The following SNF8 variants were observed in gnomAD, a reference collection of about 807,000 sequenced individuals.
The protein encoded by SNF8 is SNF8 subunit of ESCRT-II, also known as vacuolar-sorting protein SNF8.
SNF8 carries 19 observed loss-of-function variants against 36.8 expected under a neutral mutation model. The ratio of observed to expected loss-of-function variants is 0.52; its 90% CI spans 0.36 to 0.76. SNF8 has a LOEUF of 0.76. SNF8 is among the 30% of genes least tolerant of loss of function. The pLI is 0.00. For missense variants in SNF8, 268 were observed against 322.9 expected, an observed-to-expected ratio of 0.83 and a Z score of 1.30; for synonymous variants, 127 against 127.4, an observed-to-expected ratio of 1.00 and a Z score of 0.02.
intron 3 of SNF8, among the ~76,000 whole-genome samples, chr17:48,938,103 C>T (rs2040962601): frequency 6.6e-6 from 1 of 152,048 alleles, no homozygotes; most frequent in African/African-American, 2.4e-5. Context: ...AATATGCAGA[C>T]TCAGCATTCA....
Position 48,941,006 on chromosome 17 carries a change from G to C in SNF8, c.162C>G (p.His54Gln). 6.2e-7 allele frequency: 1 copy of C among 1,613,844 alleles called. No homozygotes were observed. Among genetic ancestry groups the C allele is most frequent in the Non-Finnish European group, 8.5e-7 (1 of 1,180,030 alleles). Reference protein sequence around the residue: ...KTNLEEFASKHKQEIRKNPEF... With the variant: ...KTNLEEFASKQKQEIRKNPEF... ...CAGGATTCTTCCGGATCTCCTGCTT[G>C]TGTTTGCTGGCAAATTCCTCCAGGT... Residue 54 changes from histidine (H) to glutamine (Q), a missense_variant, in exon 3 of 8, where the codon CAC (histidine) becomes CAG (glutamine). His to Gln is a conservative substitution (Grantham distance 24). Transcript: ENST00000502492.
At chr17:48,931,572 G>A (rs909351256) in intron 7 of SNF8, 71 bp downstream of exon 7, 2 of 1,259,482 alleles carry the variant, frequency 1.6e-6, no homozygotes, top group African/African-American at 3.0e-5. Context: ...TGAAGTTCCT[G>A]CATTTGTGGA....
chr17:48,933,478 A>G (rs2040890475), intron 5 of SNF8, 132 bp from the exon 6 acceptor site: 1 of 1,015,492 alleles, frequency 9.8e-7, no homozygotes, highest in Non-Finnish European at 1.5e-6. Flanking sequence ...AATGGCTCAT[A>G]CCCATAATCG....
chr17:48,935,591 G>C (rs1485388029), intron 5 of SNF8: 1 of 151,844 alleles, frequency 6.6e-6, no homozygotes, highest in Non-Finnish European at 1.5e-5. Flanking sequence ...TGTGGCACGA[G>C]AATTGCTTGA....
chr17:48,933,567 C>G, intron 5 of SNF8: 1 of 524,192 alleles, frequency 1.9e-6, no homozygotes, highest in Middle Eastern at 5.1e-4. Flanking sequence ...CACAGCAAGA[C>G]CTTATCTTTA....
intron 2 of SNF8, among the ~76,000 whole-genome samples, chr17:48,942,795 A>G (rs1598094026): frequency 7.7e-6 from 1 of 129,792 alleles, no homozygotes; most frequent in South Asian, 2.5e-4. Context: ...ATTTCTGCCC[A>G]CCTCGGCCTC....
rs1023327545 is a variant in SNF8, at chr17:48,929,527, C to A, written c.*948G>T. The A allele has an allele frequency of 1.3e-5, 2 of 152,174 alleles. No homozygotes were observed. The highest frequency in any genetic ancestry group is 6.5e-5 in the Admixed American group (1 of 15,276). The allele number at this position is 152,174 out of a possible 1,614,324, so 9.4% of individuals were successfully genotyped here. A position where few individuals can be genotyped will look rare whatever the true frequency, so the allele number is the denominator to read the frequency against. The stretch of plus-strand genomic sequence containing the variant: ...CTGGCCTCTTCCCTCATCACCACTT[C>A]TACTTGCTATAGGAGATTCTTGCTT... On this transcript the variant is annotated 3_prime_UTR_variant, in exon 8 of 8. Coordinates refer to ENST00000502492, the MANE Select transcript of SNF8 (RefSeq NM_007241.4).
intron 1 of SNF8, 32 bp from the exon 2 acceptor site, chr17:48,944,007 A>G (rs764701589): frequency 9.9e-6 from 16 of 1,611,136 alleles, no homozygotes; most frequent in African/African-American, 1.3e-5. Flanking sequence ...ATAAGTTAAG[A>G]GAGTGGGCGC....
chr17:48,942,980 C>T (rs994905942), intron 2 of SNF8, among the ~76,000 whole-genome samples: 175 of 151,522 alleles, frequency 1.2e-3, no homozygotes, highest in African/African-American at 3.9e-3. Context: ...ATTCTCCTAC[C>T]TCAGCCTCCC....
At chr17:48,942,409 CCT>C (rs1227526841) in intron 2 of SNF8, among the ~76,000 whole-genome samples, 3 of 152,090 alleles carry the variant, frequency 2.0e-5, no homozygotes, top group Non-Finnish European at 4.4e-5. Flanking sequence ...TGCCATCTCC[CCT>C]GTGAGTGGGT....
chr17:48,939,226 C>T (rs958408954), intron 3 of SNF8, among the ~76,000 whole-genome samples: 1 of 145,480 alleles, frequency 6.9e-6, no homozygotes, highest in African/African-American at 2.6e-5. Context: ...TGTCACACCA[C>T]AGTACTCCAG....
intron 5 of SNF8, 148 bp from the exon 6 acceptor site, chr17:48,933,494 C>G: frequency 1.2e-6 from 1 of 847,636 alleles, no homozygotes; most frequent in Non-Finnish European, 1.8e-6. Context: ...AATCGCAACA[C>G]TTTTGGGATG....
At chr17:48,932,026 C>G (rs1244029372) in intron 6 of SNF8, 1 of 187,720 alleles carries the variant, frequency 5.3e-6, no homozygotes, top group Non-Finnish European at 1.1e-5. Context: ...TCGAGACCAG[C>G]CTGGCCAACA....
At chr17:48,940,039 C>T (rs1274455681) in intron 3 of SNF8, among the ~76,000 whole-genome samples, 2 of 141,738 alleles carry the variant, frequency 1.4e-5, no homozygotes, top group South Asian at 2.2e-4. Context: ...GGCACCACTG[C>T]ACTCCAGCGT....
intron 6 of SNF8, 25 bp from the exon 7 acceptor site, chr17:48,931,742 G>A (rs1235481382): frequency 6.3e-7 from 1 of 1,597,920 alleles, no homozygotes; most frequent in Non-Finnish European, 8.6e-7. Flanking sequence ...AATGGGGATT[G>A]AATCAGTTAA....
chr17:48,940,064 G>T (rs2040996765), intron 3 of SNF8, among the ~76,000 whole-genome samples: 1 of 102,880 alleles, frequency 9.7e-6, no homozygotes, highest in Admixed American at 1.5e-4. Context: ...GACAGAGCAA[G>T]ACTGTCTCAA....
At chr17:48,934,833 G>A (rs924008848) in intron 5 of SNF8, among the ~76,000 whole-genome samples, 5 of 152,114 alleles carry the variant, frequency 3.3e-5, no homozygotes, top group African/African-American at 1.2e-4. Flanking sequence ...AGGATTACAG[G>A]TGTAAGCTAT....
intron 5 of SNF8, 114 bp downstream of exon 5, chr17:48,936,056 G>A: frequency 2.8e-6 from 2 of 715,004 alleles, no homozygotes; most frequent in South Asian, 3.3e-5. Flanking sequence ...GTATGATATG[G>A]AGATCATACA....
At chr17:48,933,694 C>G (rs536385655) in intron 5 of SNF8, 1 of 221,302 alleles carries the variant, frequency 4.5e-6, no homozygotes, top group African/African-American at 2.3e-5. Flanking sequence ...TGATTGTGCA[C>G]CACTGTACTC....
Sources: allele counts gnomAD v4.1 joint callset (sites outside exome capture counted in the v4.1 genomes callset), GRCh38; gene constraint gnomAD v4.1.1; transcripts MANE v1.5; gene names NCBI Gene and HGNC (gene_info 2026-07-23, HGNC 2026-07-21).